Variants in EPHA5 observed in about 807,000 individuals in gnomAD.
The protein encoded by EPHA5 is EPH receptor A5.
EPHA5 carries 60 observed loss-of-function variants against 105.0 expected under a neutral mutation model. The ratio of observed to expected loss-of-function variants is 0.57; its 90% CI spans 0.46 to 0.71. The LOEUF (loss-of-function observed/expected upper bound fraction) is 0.71. Among genes scored for constraint, EPHA5 ranks in the 30% least tolerant of loss-of-function variants. The pLI, the probability that EPHA5 is intolerant of heterozygous loss-of-function variation, is 0.00. For synonymous variants in EPHA5, 513 were observed against 449.1 expected, an observed-to-expected ratio of 1.14 and a Z score of -1.80; for missense variants, 1,218 against 1,274.7, an observed-to-expected ratio of 0.96 and a Z score of 0.68.
At chr4:65,478,052 T>C (rs1253832819) in intron 5 of EPHA5, among the ~76,000 whole-genome samples, 3 of 152,210 alleles carry the variant, frequency 2.0e-5, no homozygotes, top group Non-Finnish European at 4.4e-5. Flanking sequence ...ATAGACATAT[T>C]AATTGGATTA....
rs1309756783 is a variant in EPHA5, at chr4:65,320,848, C to T, written c.*3266G>A. 1 of 230,000 alleles carries T rather than the reference C, an allele frequency of 4.3e-6. No individual in the cohort carries two copies. The highest frequency in any genetic ancestry group is 5.7e-5 in the Admixed American group (1 of 17,602). 14.2% of individuals were successfully genotyped at this position (230,000 alleles called of 1,614,324 possible). A position where few individuals can be genotyped will look rare whatever the true frequency, so the allele number is the denominator to read the frequency against. On this transcript the variant is annotated 3_prime_UTR_variant, in exon 17 of 17. Coordinates refer to ENST00000613740, the MANE Select transcript of EPHA5 (RefSeq NM_001281766.3). ...TCTGAAACCAATAATGCTGGCCACA[C>T]TTAAGTTTAGATAAAATATTGGAAT...
intron 5 of EPHA5, among the ~76,000 whole-genome samples, chr4:65,424,556 A>G (rs1297603625): frequency 6.6e-6 from 1 of 152,096 alleles, no homozygotes; most frequent in African/African-American, 2.4e-5. Context: ...TATTTGTAAT[A>G]ATATCGGTTG....
intron 7 of EPHA5, among the ~76,000 whole-genome samples, chr4:65,410,745 AT>A (rs1722835910): frequency 6.6e-6 from 1 of 152,206 alleles, no homozygotes; most frequent in South Asian, 2.1e-4. Flanking sequence ...TTACATGCAA[AT>A]CCACAATTAT....
intron 8 of EPHA5, among the ~76,000 whole-genome samples, chr4:65,384,029 G>A (rs567949841): frequency 1.3e-5 from 2 of 151,752 alleles, no homozygotes; most frequent in Non-Finnish European, 2.9e-5. Flanking sequence ...TTCAAAAATC[G>A]GTTTGTATAC....
At chr4:65,416,608 CAT>C (rs1376281328) in intron 6 of EPHA5, among the ~76,000 whole-genome samples, 5 of 152,094 alleles carry the variant, frequency 3.3e-5, no homozygotes, top group Non-Finnish European at 7.4e-5. Flanking sequence ...AAAAAGGAAA[CAT>C]ATACAAGGAA....
chr4:65,539,084 C>T (rs1410185861), intron 3 of EPHA5, among the ~76,000 whole-genome samples: 1 of 151,640 alleles, frequency 6.6e-6, no homozygotes, highest in Non-Finnish European at 1.5e-5. Context: ...AATACATAGG[C>T]TAAGTGGCAT....
intron 3 of EPHA5, among the ~76,000 whole-genome samples, chr4:65,566,528 C>G (rs1739550940): frequency 6.6e-6 from 1 of 151,724 alleles, no homozygotes; most frequent in African/African-American, 2.4e-5. Context: ...ACCCACCCAT[C>G]TTCTTTATTC....
chr4:65,475,511 T>C (rs995896193), intron 5 of EPHA5, among the ~76,000 whole-genome samples: 4 of 152,150 alleles, frequency 2.6e-5, no homozygotes, highest in Non-Finnish European at 5.9e-5. Context: ...AGAAGATGTA[T>C]ATGATTTCAA....
chr4:65,336,331 T>A (rs1200284721), intron 14 of EPHA5, among the ~76,000 whole-genome samples: 1 of 152,036 alleles, frequency 6.6e-6, no homozygotes, highest in Admixed American at 6.6e-5. Context: ...TATAAAAAGA[T>A]AGGCTTTCTT....
At chr4:65,337,800 TC>T (rs1721327621) in intron 14 of EPHA5, among the ~76,000 whole-genome samples, 1 of 151,518 alleles carries the variant, frequency 6.6e-6, no homozygotes, top group Admixed American at 6.6e-5. Context: ...GTAGTTTATA[TC>T]CCCCCTGGAA....
At position 65,593,561 on chromosome 4, in the gene EPHA5, T is replaced by C. The variant is rs534025466; in HGVS notation, c.910+8080A>G. 9.8e-5 allele frequency among the ~76,000 whole-genome samples: 15 copies of C among 152,332 alleles called. No homozygotes were observed. The East Asian group carries it at 2.9e-3, about 29-fold the overall frequency. On this transcript the variant is annotated intron_variant, in intron 3 of 16. Coordinates refer to ENST00000613740, the MANE Select transcript of EPHA5 (RefSeq NM_001281766.3). Reference sequence around the variant, plus strand: ...TGGGGTAAGGCTGAGATTCTTCCTTTCTAAAAAATTCCCAGGTGATGCCAA... The same window carrying C: ...TGGGGTAAGGCTGAGATTCTTCCTTCCTAAAAAATTCCCAGGTGATGCCAA...
intron 3 of EPHA5, among the ~76,000 whole-genome samples, chr4:65,571,167 A>C (rs940537477): frequency 8.6e-5 from 13 of 152,024 alleles, no homozygotes; most frequent in African/African-American, 3.1e-4. Flanking sequence ...GAAGAAACAG[A>C]AAGAAATAGG....
chr4:65,572,093 C>A (rs552813870), intron 3 of EPHA5, among the ~76,000 whole-genome samples: 2 of 151,978 alleles, frequency 1.3e-5, no homozygotes, highest in Admixed American at 6.6e-5. Context: ...TTTCTCTATT[C>A]TTTTTCTAGT....
intron 5 of EPHA5, among the ~76,000 whole-genome samples, chr4:65,463,098 T>C (rs978353199): frequency 6.6e-6 from 1 of 152,224 alleles, no homozygotes; most frequent in Non-Finnish European, 1.5e-5. Context: ...TATTGGTCTA[T>C]ATTAAAACTG....
intron 5 of EPHA5, among the ~76,000 whole-genome samples, chr4:65,466,394 T>C (rs2149145686): frequency 6.6e-6 from 1 of 152,332 alleles, no homozygotes; most frequent in South Asian, 2.1e-4. Flanking sequence ...ACGAGGTCAG[T>C]CAAATAAATG....
chr4:65,660,926 T>C (rs534972168), intron 1 of EPHA5, among the ~76,000 whole-genome samples: 1 of 152,146 alleles, frequency 6.6e-6, no homozygotes, highest in Non-Finnish European at 1.5e-5. Context: ...CTTTTATTCT[T>C]ACCCTTACCC....
At chr4:65,380,308 T>C (rs1719427911) in intron 8 of EPHA5, among the ~76,000 whole-genome samples, 1 of 151,844 alleles carries the variant, frequency 6.6e-6, no homozygotes, top group African/African-American at 2.4e-5. Flanking sequence ...TTTCCATTTG[T>C]CCTTCAGCAG....
At chr4:65,643,536 A>T (rs964556130) in intron 1 of EPHA5, 109 bp from the exon 2 acceptor site, 1 of 847,722 alleles carries the variant, frequency 1.2e-6, no homozygotes, top group Admixed American at 2.2e-5. Flanking sequence ...AACTGAAATT[A>T]AGTGTTCATT....
At chr4:65,623,229 T>C (rs1745857342) in intron 2 of EPHA5, among the ~76,000 whole-genome samples, 2 of 152,046 alleles carry the variant, frequency 1.3e-5, no homozygotes, top group African/African-American at 4.8e-5. Context: ...ATATCTAATA[T>C]TGTTACTACG....
Sources: gnomAD v4.1 joint callset for allele counts (sites outside exome capture counted in the v4.1 genomes callset) on GRCh38, gnomAD v4.1.1 for gene constraint, MANE v1.5 for transcripts, NCBI Gene and HGNC (gene_info 2026-07-23, HGNC 2026-07-21) for gene names.